Variants in UBE2D2 observed in about 807,000 individuals in gnomAD.
The protein encoded by UBE2D2 is ubiquitin conjugating enzyme E2 D2, also known as ubiquitin-conjugating enzyme E2 D2.
In UBE2D2, 2 loss-of-function variants were observed where a neutral mutation model predicts 24.2. The ratio of observed to expected loss-of-function variants is 0.08; its 90% CI spans 0.03 to 0.26. The LOEUF (loss-of-function observed/expected upper bound fraction) is 0.26. UBE2D2 is among the 10% of genes least tolerant of loss of function. The probability of loss-of-function intolerance (pLI) is 1.00; values close to 1 mark genes in which losing one functional copy is unlikely to be tolerated. For missense variants in UBE2D2, 44 were observed against 177.6 expected, an observed-to-expected ratio of 0.25 and a Z score of 4.28; for synonymous variants, 58 against 56.5, an observed-to-expected ratio of 1.03 and a Z score of -0.12.
intron 5 of UBE2D2, among the ~76,000 whole-genome samples, chr5:139,619,859 G>A (rs899517636): frequency 5.4e-5 from 8 of 147,594 alleles, no homozygotes; most frequent in Admixed American, 4.0e-4. Context: ...GTGAAACTCC[G>A]TCTCAAAAAA....
At chr5:139,584,817 G>A (rs1180592927) in intron 1 of UBE2D2, among the ~76,000 whole-genome samples, 12 of 151,170 alleles carry the variant, frequency 7.9e-5, no homozygotes, top group Non-Finnish European at 1.3e-4. Flanking sequence ...ACAGGCGTGA[G>A]CCACCGTGCC....
At chr5:139,568,337 A>G (rs1712379430) in intron 1 of UBE2D2, among the ~76,000 whole-genome samples, 1 of 149,798 alleles carries the variant, frequency 6.7e-6, no homozygotes, top group African/African-American at 2.5e-5. Flanking sequence ...GCGAGACTCC[A>G]TCTCAAAAAA....
At chr5:139,604,180 A>C (rs1377550888) in intron 2 of UBE2D2, among the ~76,000 whole-genome samples, 1 of 147,460 alleles carries the variant, frequency 6.8e-6, no homozygotes, top group Non-Finnish European at 1.5e-5. Context: ...CGCTTTTGTC[A>C]CCCAGGCTGG....
intron 2 of UBE2D2, among the ~76,000 whole-genome samples, chr5:139,608,071 G>A (rs1754234711): frequency 6.6e-6 from 1 of 151,114 alleles, no homozygotes; most frequent in South Asian, 2.1e-4. Context: ...CTAACTTTTT[G>A]TAGCGTGGGT....
intron 1 of UBE2D2, among the ~76,000 whole-genome samples, chr5:139,583,879 A>G (rs1753660002): frequency 6.6e-6 from 1 of 152,242 alleles, no homozygotes; most frequent in South Asian, 2.1e-4. Context: ...TCAATGACAG[A>G]TGATATTATG....
chr5:139,576,943 C>CTTT (rs11418234), intron 1 of UBE2D2, among the ~76,000 whole-genome samples: 5 of 91,754 alleles, frequency 5.4e-5, no homozygotes, highest in African/African-American at 9.1e-5. Context: ...TGGATCTGGC[C>CTTT]TTTTTTTTTT....
chr5:139,570,509 T>A (rs1753332978), intron 1 of UBE2D2, among the ~76,000 whole-genome samples: 1 of 151,282 alleles, frequency 6.6e-6, no homozygotes, highest in African/African-American at 2.4e-5. Context: ...CCCGGCTAAT[T>A]TTTGTTTTTT....
intron 1 of UBE2D2, among the ~76,000 whole-genome samples, chr5:139,588,127 C>T (rs917504549): frequency 7.2e-5 from 11 of 152,024 alleles, no homozygotes; most frequent in Admixed American, 7.2e-4. Context: ...CCATGCCTGG[C>T]TAAATGTTTC....
At chr5:139,591,131 T>C (rs1753838557) in intron 1 of UBE2D2, among the ~76,000 whole-genome samples, 1 of 148,566 alleles carries the variant, frequency 6.7e-6, no homozygotes, top group Non-Finnish European at 1.5e-5. Flanking sequence ...TCTCTCTTTT[T>C]TTTTTTTAAG....
intron 2 of UBE2D2, among the ~76,000 whole-genome samples, chr5:139,602,506 C>G (rs1312822885): frequency 6.6e-6 from 1 of 151,912 alleles, no homozygotes; most frequent in Non-Finnish European, 1.5e-5. Context: ...GTGAAACCCT[C>G]TCTCTACAAA....
At chr5:139,568,274 G>C (rs1561505241) in intron 1 of UBE2D2, among the ~76,000 whole-genome samples, 1 of 151,806 alleles carries the variant, frequency 6.6e-6, no homozygotes, top group Non-Finnish European at 1.5e-5. Context: ...AACCTGGGAG[G>C]CAGAGGTTGC....
chr5:139,527,963 C>T (rs936817001), intron 1 of UBE2D2, among the ~76,000 whole-genome samples: 3 of 152,218 alleles, frequency 2.0e-5, no homozygotes, highest in South Asian at 2.1e-4. Flanking sequence ...GTCGACCAGG[C>T]GTGGACTGCA....
intron 1 of UBE2D2, among the ~76,000 whole-genome samples, chr5:139,546,783 G>A (rs1400687601): frequency 6.6e-6 from 1 of 151,494 alleles, no homozygotes; most frequent in East Asian, 1.9e-4. Context: ...ACCGTGCCTG[G>A]CCTTAAATTT....
At chr5:139,625,508 A>G (rs1449154427) in intron 6 of UBE2D2, among the ~76,000 whole-genome samples, 3 of 136,622 alleles carry the variant, frequency 2.2e-5, no homozygotes, top group East Asian at 2.1e-4. Flanking sequence ...CAGTGGCACA[A>G]TCACAGCTCA....
intron 1 of UBE2D2, among the ~76,000 whole-genome samples, chr5:139,542,222 C>T (rs774003863): frequency 6.6e-6 from 1 of 152,036 alleles, no homozygotes; most frequent in Non-Finnish European, 1.5e-5. Flanking sequence ...TCACGAGTAC[C>T]ATTTGTTAGT....
intron 1 of UBE2D2, among the ~76,000 whole-genome samples, chr5:139,550,696 G>C (rs1752903669): frequency 6.6e-6 from 1 of 151,962 alleles, no homozygotes; most frequent in Admixed American, 6.6e-5. Context: ...AGGCCACCGA[G>C]ACCATGAACC....
At chr5:139,604,092 G>A (rs1754141284) in intron 2 of UBE2D2, among the ~76,000 whole-genome samples, 1 of 151,356 alleles carries the variant, frequency 6.6e-6, no homozygotes, top group Middle Eastern at 3.2e-3. Flanking sequence ...AGAAATTGTT[G>A]CAAGTCATAT....
intron 1 of UBE2D2, among the ~76,000 whole-genome samples, chr5:139,565,216 G>A (rs991336383): frequency 7.9e-5 from 12 of 152,246 alleles, no homozygotes; most frequent in East Asian, 3.9e-4. Flanking sequence ...TCAATATCTT[G>A]TTTCTTTGAC....
intron 1 of UBE2D2, among the ~76,000 whole-genome samples, chr5:139,585,233 G>C (rs765961954): frequency 1.4e-4 from 18 of 128,988 alleles, no homozygotes; most frequent in Non-Finnish European, 2.4e-4. Context: ...TTTTGAGACA[G>C]AGTTTTACCC....
Sources: gnomAD v4.1 joint callset for allele counts (sites outside exome capture counted in the v4.1 genomes callset) on GRCh38, gnomAD v4.1.1 for gene constraint, MANE v1.5 for transcripts, NCBI Gene and HGNC (gene_info 2026-07-23, HGNC 2026-07-21) for gene names.